Variants in C5AR2 observed in about 807,000 individuals in gnomAD.
The protein encoded by C5AR2 is complement C5a receptor 2.
For synonymous variants in C5AR2, 224 were observed against 216.5 expected, an observed-to-expected ratio of 1.03 and a Z score of -0.30; for missense variants, 458 against 467.5, an observed-to-expected ratio of 0.98 and a Z score of 0.19.
chr19:47,334,889 A>AT (rs2059351593), intron 1 of C5AR2, among the ~76,000 whole-genome samples: 1 of 9,284 alleles, frequency 1.1e-4, no homozygotes, highest in Non-Finnish European at 2.6e-4. Flanking sequence ...GCCAAATCCA[A>AT]TTTTTTTTTT....
rs540204210 is a variant in C5AR2 at position 47,336,403 on chromosome 19, T to C, written c.-16+4054T>C. ...CTGTGCCCGGCTAGGGGGGGTTCAG[T>C]TTTTAAATGCTGTACTCTTTCTTTC... On this transcript the variant is annotated intron_variant, in intron 1 of 1. Coordinates refer to ENST00000595464, the MANE Select transcript of C5AR2 (RefSeq NM_001271749.2). Among the ~76,000 whole-genome samples, 14 of 149,024 alleles carry C rather than the reference T, an allele frequency of 9.4e-5. No homozygotes were observed. The South Asian group carries it at 2.8e-3, about 30-fold the overall frequency.
intron 1 of C5AR2, among the ~76,000 whole-genome samples, chr19:47,340,471 C>T (rs768699834): frequency 6.6e-6 from 1 of 151,712 alleles, no homozygotes; most frequent in Non-Finnish European, 1.5e-5. Context: ...TCCCAAGTAG[C>T]TGGGATTACA....
rs903775420 is a variant in C5AR2, at chr19:47,343,929, G to C, written c.*2116G>C. 1 of 152,148 alleles carries C rather than the reference G, an allele frequency of 6.6e-6. No individual in the cohort carries two copies. Among genetic ancestry groups the C allele is most frequent in the African/African-American group, 2.4e-5 (1 of 41,434 alleles). 9.4% of individuals were successfully genotyped at this position (152,148 alleles called of 1,614,324 possible). On this transcript the variant is annotated 3_prime_UTR_variant, in exon 2 of 2. Coordinates refer to ENST00000595464, the MANE Select transcript of C5AR2 (RefSeq NM_001271749.2). The stretch of plus-strand genomic sequence containing the variant: ...GTTCAAGTGCTCAGTAGCCACATAT[G>C]GCTGGTGACTGCCATATTCGACAGC...
Position 47,341,698 on chromosome 19 carries a change from G to C in C5AR2, c.899G>C (p.Arg300Pro). 6.2e-7 allele frequency: 1 copy of C among 1,614,050 alleles called. No individual in the cohort carries two copies. Among genetic ancestry groups the C allele is most frequent in the Non-Finnish European group, 8.5e-7 (1 of 1,180,036 alleles). ...CTGTATTTTGGGAGGGCTCAACTCCGCCGGTCACTGCCAGCTGCCTGTCAC... is the reference window on the plus strand; with the variant it reads ...CTGTATTTTGGGAGGGCTCAACTCCCCCGGTCACTGCCAGCTGCCTGTCAC... ...LFLYFGRAQL[R>P]RSLPAACHWA... The change falls in exon 2 of 2, where the codon CGC (arginine) becomes CCC (proline). Residue 300 changes from arginine (R) to proline (P), a missense_variant. Coordinates refer to ENST00000595464, the MANE Select transcript of C5AR2 (RefSeq NM_001271749.2). This position sits in a 1 kb window ranked among gnomAD's most constrained non-coding sequence, Gnocchi z 4.6.
chr19:47,342,141 G>T lies in C5AR2; in HGVS notation c.*328G>T. 4.2e-6 allele frequency: 1 copy of T among 240,670 alleles called. No homozygotes were observed. The highest frequency in any genetic ancestry group is 8.3e-6 in the Non-Finnish European group (1 of 120,268). 14.9% of individuals were successfully genotyped at this position (240,670 alleles called of 1,614,324 possible). On this transcript the variant is annotated 3_prime_UTR_variant, in exon 2 of 2. Coordinates refer to ENST00000595464, the MANE Select transcript of C5AR2 (RefSeq NM_001271749.2). The stretch of plus-strand genomic sequence containing the variant: ...AGGCTGAGGCAGGTAGATCACTTGA[G>T]GTCAGGACTTCAAGACCAGCCTAGC...
Position 47,343,521 on chromosome 19 carries a change from A to G in C5AR2, c.*1708A>G, listed in dbSNP as rs1292952600. ...TCTGTGGCTATTCAAATTCGAATCA[A>G]TTGGCCAGGCCTGGTGGCTCCTGCC... On this transcript the variant is annotated 3_prime_UTR_variant, in exon 2 of 2. Coordinates refer to ENST00000595464, the MANE Select transcript of C5AR2 (RefSeq NM_001271749.2). 1.3e-5 allele frequency: 2 copies of G among 152,058 alleles called. No homozygotes were observed. Among genetic ancestry groups the G allele is most frequent in the African/African-American group, 2.4e-5 (1 of 41,414 alleles). The allele number at this position is 152,058 out of a possible 1,614,324, so 9.4% of individuals were successfully genotyped here.
In C5AR2 at chr19:47,342,850, A is replaced by G. The variant is rs1380884719; in HGVS notation, c.*1037A>G. On this transcript the variant is annotated 3_prime_UTR_variant, in exon 2 of 2. Transcript: ENST00000595464. ...TGAGAGGCTGACAGGTCATGCATCT[A>G]TTTTGAAGGAAAGGCCAAGTCCAGG... 3 of 152,314 alleles carry G rather than the reference A, an allele frequency of 2.0e-5. No individual in the cohort carries two copies. Among genetic ancestry groups the G allele is most frequent in the Admixed American group, 6.6e-5 (1 of 15,232 alleles). The allele number at this position is 152,314 out of a possible 1,614,324, so 9.4% of individuals were successfully genotyped here. A position where few individuals can be genotyped will look rare whatever the true frequency, so the allele number is the denominator to read the frequency against.
Position 47,341,086 on chromosome 19 carries a change from G to C in C5AR2, c.287G>C (p.Arg96Pro), listed in dbSNP as rs1479024678. ...CCCATCCTGGCAGTGCCCATTGCCCGTGGAGGCCACTGGCCGTATGGTGCA... is the reference window on the plus strand; with the variant it reads ...CCCATCCTGGCAGTGCCCATTGCCCCTGGAGGCCACTGGCCGTATGGTGCA... ...SLPILAVPIA[R>P]GGHWPYGAVG... is the part of the protein sequence containing the mutation. Residue 96 changes from arginine (R) to proline (P), a missense_variant, in exon 2 of 2, where the codon CGT becomes CCT. Physicochemically the swap from Arg to Pro is moderately radical, Grantham distance 103. Coordinates refer to ENST00000595464, the MANE Select transcript of C5AR2 (RefSeq NM_001271749.2). This position sits in a 1 kb window ranked among gnomAD's most constrained non-coding sequence, Gnocchi z 4.6. 6.2e-7 allele frequency: 1 copy of C among 1,605,066 alleles called. No homozygotes were observed. The highest frequency in any genetic ancestry group is 2.2e-5 in the East Asian group (1 of 44,876).
rs747676401 is a variant in C5AR2 at position 47,341,741 on chromosome 19, C to T, written c.942C>T (p.Ser314=). The part of the protein sequence containing the change: ...PAACHWALRE[S]QGQDESVDSK... ...CCTGTCACTGGGCCCTGAGGGAGTC[C>T]CAGGGCCAGGACGAAAGTGTGGACA... The change falls in exon 2 of 2, where the codon TCC becomes TCT. Residue 314 remains serine, a synonymous_variant. Coordinates refer to ENST00000595464, the MANE Select transcript of C5AR2 (RefSeq NM_001271749.2). The surrounding 1 kb of genome is among the most constrained non-coding windows in gnomAD (Gnocchi z 4.6). The T allele has an allele frequency of 6.2e-7, 1 of 1,613,706 alleles. No homozygotes were observed.
intron 1 of C5AR2, among the ~76,000 whole-genome samples, chr19:47,334,468 GA>G (rs58125577): frequency 7.2e-6 from 1 of 138,418 alleles, no homozygotes; most frequent in South Asian, 2.4e-4. Flanking sequence ...TGTCCATACA[GA>G]AAAAAAAAAA....
Position 47,341,415 on chromosome 19 carries a change from CT to C in C5AR2, c.621del (p.Phe207LeufsTer105). On this transcript the variant is annotated frameshift_variant, in exon 2 of 2. Transcript: ENST00000595464. LOFTEE classifies it low-confidence loss of function (END_TRUNC). This position sits in a 1 kb window ranked among gnomAD's most constrained non-coding sequence, Gnocchi z 4.6. ...TENAVTAIRF[L>X]FGFLGPLVAV... ...GAATGCGGTGACTGCCATCCGGTTTCTTTTTGGCTTCCTGGGGCCCCTGGTG... is the reference window on the plus strand; with the variant it reads ...GAATGCGGTGACTGCCATCCGGTTTCTTTTGGCTTCCTGGGGCCCCTGGTG... 1 of 1,612,570 alleles carries C rather than the reference CT, an allele frequency of 6.2e-7. No individual in the cohort carries two copies.
intron 1 of C5AR2, among the ~76,000 whole-genome samples, chr19:47,338,011 GT>G (rs1175296755): frequency 6.6e-6 from 1 of 151,638 alleles, no homozygotes; most frequent in Non-Finnish European, 1.5e-5. Flanking sequence ...GGAAGCAGAG[GT>G]TGCAGTGAGC....
chr19:47,339,218 C>T (rs969803437), intron 1 of C5AR2, among the ~76,000 whole-genome samples: 5 of 152,146 alleles, frequency 3.3e-5, no homozygotes, highest in Admixed American at 6.6e-5. Flanking sequence ...TCCTATAGCA[C>T]CTGTCTCATT....
Position 47,340,781 on chromosome 19 carries a change from C to G in C5AR2, c.-15-4C>G, listed in dbSNP as rs199840692. ...AGTTTTCATCGTCTTTCTCTCCTGCCCAGACACCAGGAGCCTGAATGGGGA... is the reference window on the plus strand; with the variant it reads ...AGTTTTCATCGTCTTTCTCTCCTGCGCAGACACCAGGAGCCTGAATGGGGA... On this transcript the variant is annotated splice_region_variant and splice_polypyrimidine_tract_variant and intron_variant, in intron 1 of 1. Transcript: ENST00000595464. 304 of 1,612,684 alleles carry G rather than the reference C, an allele frequency of 1.9e-4. No homozygotes were observed. Among genetic ancestry groups the G allele is most frequent in the Non-Finnish European group, 2.4e-4 (285 of 1,179,666 alleles).
rs963950185 is a variant in C5AR2 at position 47,334,816 on chromosome 19, G to A, written c.-16+2467G>A. ...TCACTGCAGCCTTGACCTCACGGGCGTAGCCTACCTCAAATGTGTTCAGAA... is the reference window on the plus strand; with the variant it reads ...TCACTGCAGCCTTGACCTCACGGGCATAGCCTACCTCAAATGTGTTCAGAA... On this transcript the variant is annotated intron_variant, in intron 1 of 1. Transcript: ENST00000595464. Among the ~76,000 whole-genome samples the A allele has an allele frequency of 4.6e-5, 7 of 151,792 alleles. No individual in the cohort carries two copies. In the South Asian group the frequency reaches 1.2e-3, roughly 27 times the overall value.
Position 47,341,896 on chromosome 19 carries a change from T to C in C5AR2, c.*83T>C. 1.6e-6 allele frequency: 2 copies of C among 1,278,134 alleles called. No homozygotes were observed. The highest frequency in any genetic ancestry group is 2.2e-6 in the Non-Finnish European group (2 of 904,592). 79.2% of individuals were successfully genotyped at this position (1,278,134 alleles called of 1,614,324 possible). A position where few individuals can be genotyped will look rare whatever the true frequency, so the allele number is the denominator to read the frequency against. ...GGCATAGCTGGATCCAGGAGCTCAA[T>C]GATGTCTTCATTTTATTCCTTCCTT... On this transcript the variant is annotated 3_prime_UTR_variant, in exon 2 of 2. Coordinates refer to ENST00000595464, the MANE Select transcript of C5AR2 (RefSeq NM_001271749.2). The surrounding 1 kb of genome is among the most constrained non-coding windows in gnomAD (Gnocchi z 4.6).
rs1969079361 is a variant in C5AR2, at chr19:47,343,775, T to G, written c.*1962T>G. 6.6e-6 allele frequency: 1 copy of G among 152,078 alleles called. No individual in the cohort carries two copies. The highest frequency in any genetic ancestry group is 6.6e-5 in the Admixed American group (1 of 15,244). 9.4% of individuals were successfully genotyped at this position (152,078 alleles called of 1,614,324 possible). ...ATTGCTTGAGCCCGGGAAGTGGAGT[T>G]TGCAGTGAGCTTAGATCACACCGCT... On this transcript the variant is annotated 3_prime_UTR_variant, in exon 2 of 2. Transcript: ENST00000595464.
chr19:47,340,187 C>A (rs1351891533), intron 1 of C5AR2, among the ~76,000 whole-genome samples: 2 of 151,906 alleles, frequency 1.3e-5, no homozygotes, highest in Non-Finnish European at 2.9e-5. Flanking sequence ...GAACTCCTGA[C>A]CTCAAGTGAT....
rs1194429992 is a variant in C5AR2 at position 47,341,803 on chromosome 19, T to C, written c.1004T>C (p.Met335Thr). The C allele has an allele frequency of 3.1e-6, 5 of 1,613,436 alleles. No individual in the cohort carries two copies. Among genetic ancestry groups the C allele is most frequent in the Admixed American group, 1.7e-5 (1 of 60,010 alleles). ...ACCAGCCATGACCTGGTCTCGGAGA[T>C]GGAGGTGTAGGCTGGAGAGACATTG... is the stretch of plus-strand genomic sequence containing the variant. ...KSTSHDLVSE[M>T]EV Residue 335 changes from methionine (M) to threonine (T), a missense_variant, in exon 2 of 2, where the codon ATG becomes ACG. Coordinates refer to ENST00000595464, the MANE Select transcript of C5AR2 (RefSeq NM_001271749.2). This position sits in a 1 kb window ranked among gnomAD's most constrained non-coding sequence, Gnocchi z 4.6.
Sources: gnomAD v4.1 joint callset for allele counts (sites outside exome capture counted in the v4.1 genomes callset) on GRCh38, gnomAD v4.1.1 for gene constraint, Gnocchi (gnomAD v3.1) non-coding constraint, MANE v1.5 for transcripts, NCBI Gene and HGNC (gene_info 2026-07-23, HGNC 2026-07-21) for gene names.